GRM5: variants seen among roughly 807,000 people sequenced by gnomAD.
GRM5 encodes metabotropic glutamate receptor 5.
In GRM5, 19 loss-of-function variants were observed where a neutral mutation model predicts 83.1. The ratio of observed to expected loss-of-function variants is 0.23; its 90% CI spans 0.16 to 0.34. The LOEUF is 0.34. GRM5 is among the 10% of genes least tolerant of loss of function. The pLI, the probability that GRM5 is intolerant of heterozygous loss-of-function variation, is 1.00. For missense variants in GRM5, 1,160 were observed against 1,588.3 expected (o/e 0.73, Z 4.58); for synonymous variants, 675 against 633.6 (o/e 1.07, Z -0.98).
chr11:88,677,815 TAAGA>T (rs1940373216), intron 3 of GRM5, among the ~76,000 whole-genome samples: 2 of 152,142 alleles, frequency 1.3e-5, no homozygotes, highest in African/African-American at 4.8e-5. Flanking sequence ...CATTTAATTA[TAAGA>T]AAGAGACATC....
rs116225189 is a variant in GRM5 at position 88,625,624 on chromosome 11, T to C, written c.1148-20660A>G. Among the ~76,000 whole-genome samples, 622 of 152,116 alleles carry C rather than the reference T, an allele frequency of 4.1e-3. 4 individuals carry two copies. Among genetic ancestry groups the C allele is most frequent in the African/African-American group, 0.014 (600 of 41,486 alleles). ...GTTGTAACCTAGAGGGAATGTTTAA[T>C]TGGAGAGAAAGGGAGGGGGGCAAGG... On this transcript the variant is annotated intron_variant, in intron 4 of 9. Transcript: ENST00000305447.
rs1368583534 is a variant in GRM5 at position 88,648,509 on chromosome 11, G to C, written c.1147+4659C>G. Among the ~76,000 whole-genome samples, 235 of 100,346 alleles carry C rather than the reference G, an allele frequency of 2.3e-3. 4 individuals carry two copies. Among genetic ancestry groups the C allele is most frequent in the African/African-American group, 7.5e-3 (197 of 26,270 alleles). 65.8% of individuals were successfully genotyped at this position (100,346 alleles called of 152,430 possible). ...CACACTCTGGGGACTGTGGTGGGGT[G>C]GGGGGAGGGGGGAGGGATAGCACTG... On this transcript the variant is annotated intron_variant, in intron 4 of 9. Transcript: ENST00000305447.
chr11:88,893,048 C>T (rs1590944281), intron 2 of GRM5, among the ~76,000 whole-genome samples: 2 of 151,624 alleles, frequency 1.3e-5, no homozygotes, highest in East Asian at 2.0e-4. Context: ...GGGCTATACA[C>T]AGTAGCACCT....
chr11:89,008,877 A>T (rs1463858162), intron 2 of GRM5, among the ~76,000 whole-genome samples: 2 of 152,142 alleles, frequency 1.3e-5, no homozygotes, highest in Non-Finnish European at 2.9e-5. Context: ...TTTTTGAAGA[A>T]TATTCTTGCA....
chr11:88,643,418 A>T (rs1939351543), intron 4 of GRM5, among the ~76,000 whole-genome samples: 1 of 152,198 alleles, frequency 6.6e-6, no homozygotes, highest in Non-Finnish European at 1.5e-5. Flanking sequence ...TTCCAATTCA[A>T]CATGAGGTTT....
chr11:88,821,816 C>T (rs1443742754), intron 3 of GRM5, among the ~76,000 whole-genome samples: 1 of 152,124 alleles, frequency 6.6e-6, no homozygotes, highest in Non-Finnish European at 1.5e-5. Context: ...GAAAAACACC[C>T]TTAACTCATG....
intron 3 of GRM5, among the ~76,000 whole-genome samples, chr11:88,662,218 A>G (rs1939924985): frequency 6.6e-6 from 1 of 152,186 alleles, no homozygotes; most frequent in South Asian, 2.1e-4. Flanking sequence ...CTTATAACTG[A>G]GGAAATCTGA....
At chr11:88,721,479 G>T (rs1941538359) in intron 3 of GRM5, among the ~76,000 whole-genome samples, 1 of 151,984 alleles carries the variant, frequency 6.6e-6, no homozygotes, top group Admixed American at 6.6e-5. Context: ...CCAAGTATCT[G>T]GTGGTTACAA....
chr11:88,844,817 TG>T (rs1172865930), intron 3 of GRM5, among the ~76,000 whole-genome samples: 1 of 152,082 alleles, frequency 6.6e-6, no homozygotes, highest in African/African-American at 2.4e-5. Context: ...GAAGATGTAG[TG>T]AAAAGAGCAG....
chr11:88,619,504 T>C (rs1938575884), intron 4 of GRM5, among the ~76,000 whole-genome samples: 1 of 152,170 alleles, frequency 6.6e-6, no homozygotes, highest in South Asian at 2.1e-4. Flanking sequence ...ATAAACTAAT[T>C]TTAAAGATAA....
intron 3 of GRM5, among the ~76,000 whole-genome samples, chr11:88,661,906 A>G (rs1939916968): frequency 6.6e-6 from 1 of 152,142 alleles, no homozygotes; most frequent in Non-Finnish European, 1.5e-5. Flanking sequence ...AATTCCAAAA[A>G]GAATCAAAAT....
chr11:89,039,930 G>A (rs1215457462), intron 2 of GRM5, among the ~76,000 whole-genome samples: 1 of 152,154 alleles, frequency 6.6e-6, no homozygotes, highest in South Asian at 2.1e-4. Context: ...CTCCCAAGGA[G>A]CTGGGTGCAC....
At chr11:88,752,753 A>G (rs1208025923) in intron 3 of GRM5, among the ~76,000 whole-genome samples, 7 of 152,218 alleles carry the variant, frequency 4.6e-5, no homozygotes, top group Non-Finnish European at 8.8e-5. Flanking sequence ...TGGTCCAAGA[A>G]CAGACACATA....
In GRM5 at chr11:88,664,434, A is replaced by C. The variant is rs574112964; in HGVS notation, c.912-11031T>G. ...AGAGTATGGCAACTATTCACATAGC[A>C]TTTTCTTTTCTTTTTTCTTTTTTTT... On this transcript the variant is annotated intron_variant, in intron 3 of 9. Coordinates refer to ENST00000305447, the MANE Select transcript of GRM5 (RefSeq NM_001143831.3). Among the ~76,000 whole-genome samples the C allele has an allele frequency of 2.2e-4, 33 of 151,450 alleles. No homozygotes were observed. In the East Asian group the frequency reaches 6.3e-3, roughly 29 times the overall value.
intron 2 of GRM5, among the ~76,000 whole-genome samples, chr11:88,992,695 T>C (rs1940022178): frequency 1.3e-5 from 2 of 151,772 alleles, no homozygotes; most frequent in South Asian, 4.2e-4. Flanking sequence ...CCATAAAAAA[T>C]GATGAGTTCA....
chr11:88,838,552 A>G (rs562123012), intron 3 of GRM5, among the ~76,000 whole-genome samples: 1 of 152,180 alleles, frequency 6.6e-6, no homozygotes, highest in African/African-American at 2.4e-5. Flanking sequence ...CATTTAGCTA[A>G]TATATACTAA....
At chr11:88,951,486 A>G (rs1590991021) in intron 2 of GRM5, among the ~76,000 whole-genome samples, 1 of 152,322 alleles carries the variant, frequency 6.6e-6, no homozygotes, top group Non-Finnish European at 1.5e-5. Context: ...TTGGACGGTA[A>G]GAGCTGATGT....
chr11:88,567,894 C>A lies in GRM5; in HGVS notation c.1789G>T (p.Val597Phe), dbSNP rs200069801. 2 of 1,613,774 alleles carry A rather than the reference C, an allele frequency of 1.2e-6. No homozygotes were observed. Among genetic ancestry groups the A allele is most frequent in the African/African-American group, 1.3e-5 (1 of 74,910 alleles). ...ACLGLLATLF[V>F]TVVFIIYRDT... The stretch of plus-strand genomic sequence containing the variant: ...CGGTAAATGATGAAGACTACAGTAA[C>A]AAACAGGGTGGCCAGGAGGCCAAGG... The change falls in exon 8 of 10, where the codon GTT becomes TTT. Residue 597 changes from valine to phenylalanine, a missense_variant. Physicochemically the swap from Val to Phe is conservative, Grantham distance 50. Transcript: ENST00000305447. The surrounding 1 kb of genome is among the most constrained non-coding windows in gnomAD (Gnocchi z 7.3).
At chr11:88,585,421 A>G (rs1311249024) in intron 7 of GRM5, among the ~76,000 whole-genome samples, 1 of 152,220 alleles carries the variant, frequency 6.6e-6, no homozygotes, top group East Asian at 1.9e-4. Context: ...GAATGACTAG[A>G]TGACTGAATG....
Sources: gnomAD v4.1 joint callset for allele counts (sites outside exome capture counted in the v4.1 genomes callset) on GRCh38, gnomAD v4.1.1 for gene constraint, Gnocchi (gnomAD v3.1) non-coding constraint, MANE v1.5 for transcripts, NCBI Gene and HGNC (gene_info 2026-07-23, HGNC 2026-07-21) for gene names.